Variants in XRN2 observed in about 807,000 individuals in gnomAD.
XRN2 encodes the protein 5'-3' exoribonuclease 2.
Under a neutral mutation model 138.5 loss-of-function variants are expected in XRN2, and 44 were observed. The observed-to-expected ratio is 0.32, with a 90% CI of 0.25 to 0.41. XRN2 has a LOEUF of 0.41. Ranked by LOEUF, XRN2 falls within the 10% of genes least tolerant of loss-of-function variation. The probability of loss-of-function intolerance (pLI) is 1.00; values close to 1 mark genes in which losing one functional copy is unlikely to be tolerated. For synonymous variants in XRN2, 354 were observed against 369.4 expected (o/e 0.96, Z 0.48); for missense variants, 937 against 1,169.3 (o/e 0.80, Z 2.90).
intron 13 of XRN2, among the ~76,000 whole-genome samples, chr20:21,337,175 C>A (rs1047072609): frequency 6.6e-6 from 1 of 152,208 alleles, no homozygotes; most frequent in Admixed American, 6.5e-5. Flanking sequence ...AAGGATCACT[C>A]TAGCTGCCAT....
At chr20:21,349,353 T>A (rs771359606) in intron 19 of XRN2, 36 bp from the exon 20 acceptor site, 20 of 1,356,214 alleles carry the variant, frequency 1.5e-5, no homozygotes, top group African/African-American at 4.3e-5. Context: ...GATGTGTGAC[T>A]TCTGTTTTGA....
Position 21,346,490 on chromosome 20 carries a change from T to A in XRN2, c.1605T>A (p.Arg535=). ...FDVDAADEKF[R]RKVVQSYVEG... ...TGGATGCAGCTGATGAGAAATTCCG[T>A]CGGAAAGTTGTGCAGTCGTACGTTG... The change falls in exon 17 of 30, where the codon CGT becomes CGA. Residue 535 remains arginine (R), a synonymous_variant. Coordinates refer to ENST00000377191, the MANE Select transcript of XRN2 (RefSeq NM_012255.5). 2 of 1,614,202 alleles carry A rather than the reference T, an allele frequency of 1.2e-6. No homozygotes were observed. Among genetic ancestry groups the A allele is most frequent in the Non-Finnish European group, 1.7e-6 (2 of 1,180,018 alleles).
At chr20:21,361,043 T>C (rs1250059847) in intron 24 of XRN2, among the ~76,000 whole-genome samples, 1 of 152,220 alleles carries the variant, frequency 6.6e-6, no homozygotes, top group African/African-American at 2.4e-5. Context: ...TCTGCTTTCT[T>C]TCTGAATTAT....
intron 1 of XRN2, among the ~76,000 whole-genome samples, chr20:21,312,641 GCT>G (rs1568565543): frequency 1.5e-5 from 2 of 132,462 alleles, no homozygotes; most frequent in Non-Finnish European, 3.1e-5. Flanking sequence ...ACAGAGTCTT[GCT>G]CTGTTGCCCA....
intron 9 of XRN2, among the ~76,000 whole-genome samples, chr20:21,333,122 A>G (rs1410796485): frequency 2.0e-5 from 3 of 152,226 alleles, no homozygotes; most frequent in Non-Finnish European, 4.4e-5. Flanking sequence ...AAGACAGTAT[A>G]CATGTATCTA....
chr20:21,343,582 A>G (rs1336372732), intron 15 of XRN2, among the ~76,000 whole-genome samples: 1 of 150,930 alleles, frequency 6.6e-6, no homozygotes, highest in African/African-American at 2.4e-5. Context: ...TCTCACCAGC[A>G]TTGACTATTT....
chr20:21,380,231 T>C (rs533763406), intron 27 of XRN2, among the ~76,000 whole-genome samples: 1 of 152,290 alleles, frequency 6.6e-6, no homozygotes, highest in Non-Finnish European at 1.5e-5. Context: ...ATTTTGTATA[T>C]ATAAGGGCAC....
intron 14 of XRN2, among the ~76,000 whole-genome samples, chr20:21,339,697 C>A (rs73296367): frequency 0.053 from 8,144 of 152,292 alleles, 272 homozygotes; most frequent in Middle Eastern, 0.095. Context: ...TTCTACAAGG[C>A]CTCCCTTCTT....
At chr20:21,327,205 C>T (rs550434743) in intron 3 of XRN2, among the ~76,000 whole-genome samples, 2 of 152,084 alleles carry the variant, frequency 1.3e-5, no homozygotes, top group South Asian at 2.1e-4. Flanking sequence ...AAAGCCTTAC[C>T]GTCTGGAGTT....
chr20:21,350,735 G>A (rs1421343575), intron 20 of XRN2, among the ~76,000 whole-genome samples: 1 of 151,736 alleles, frequency 6.6e-6, no homozygotes, highest in Non-Finnish European at 1.5e-5. Context: ...ATGACTTACG[G>A]AGAATCTTGA....
At chr20:21,348,620 A>G (rs1311308122) in intron 19 of XRN2, among the ~76,000 whole-genome samples, 190 bp downstream of exon 19, 1 of 151,788 alleles carries the variant, frequency 6.6e-6, no homozygotes, top group Non-Finnish European at 1.5e-5. Flanking sequence ...TTTTGGGGAG[A>G]AATTTTTTTG....
At chr20:21,360,007 G>C (rs1034245625) in intron 24 of XRN2, among the ~76,000 whole-genome samples, 1 of 152,206 alleles carries the variant, frequency 6.6e-6, no homozygotes, top group South Asian at 2.1e-4. Context: ...TGCTCAGAAA[G>C]TATGTTATAC....
chr20:21,322,959 A>G (rs927495199), intron 1 of XRN2, among the ~76,000 whole-genome samples: 3 of 152,032 alleles, frequency 2.0e-5, no homozygotes, highest in Non-Finnish European at 4.4e-5. Context: ...TGCCTTTCTA[A>G]CCTAAGCCTT....
chr20:21,381,924 T>C, intron 27 of XRN2, 70 bp from the exon 28 acceptor site: 8 of 1,281,934 alleles, frequency 6.2e-6, no homozygotes, highest in Non-Finnish European at 8.5e-6. Context: ...CTTTTAATTA[T>C]AAAATATTGG....
chr20:21,354,910 AAT>A lies in XRN2; in HGVS notation c.2020+42_2020+43del. 2.0e-6 allele frequency: 3 copies of A among 1,516,090 alleles called. No individual in the cohort carries two copies. The South Asian group carries it at 3.6e-5, about 18-fold the overall frequency. The allele number at this position is 1,516,090 out of a possible 1,614,324, so 93.9% of individuals were successfully genotyped here. ...CTTCTTAGTTAACATTGATCTGTGT[AAT>A]ATACACTTTATATTTCTGTATAAAA... is the stretch of plus-strand genomic sequence containing the variant. On this transcript the variant is annotated intron_variant, in intron 21 of 29. Transcript: ENST00000377191.
At chr20:21,304,703 G>A (rs1334501483) in intron 1 of XRN2, among the ~76,000 whole-genome samples, 2 of 152,102 alleles carry the variant, frequency 1.3e-5, no homozygotes. Context: ...TCTTAATGGA[G>A]TAAATCACTA....
intron 6 of XRN2, 32 bp from the exon 7 acceptor site, chr20:21,331,529 A>G (rs752659288): frequency 6.4e-7 from 1 of 1,564,736 alleles, no homozygotes; most frequent in Non-Finnish European, 8.8e-7. Flanking sequence ...AAAATTGGGG[A>G]TAATCTGAAA....
At chr20:21,315,935 G>A (rs2037953036) in intron 1 of XRN2, among the ~76,000 whole-genome samples, 1 of 152,202 alleles carries the variant, frequency 6.6e-6, no homozygotes, top group Non-Finnish European at 1.5e-5. Flanking sequence ...CCACTTTCTT[G>A]ATGGTGTCCT....
intron 1 of XRN2, chr20:21,303,821 A>G: frequency 9.4e-7 from 1 of 1,060,266 alleles, no homozygotes; most frequent in Non-Finnish European, 1.1e-6. Flanking sequence ...AGAGGTTCAG[A>G]GGCTGTTGTT....
Sources: allele counts gnomAD v4.1 joint callset (sites outside exome capture counted in the v4.1 genomes callset), GRCh38; gene constraint gnomAD v4.1.1; transcripts MANE v1.5; gene names NCBI Gene and HGNC (gene_info 2026-07-23, HGNC 2026-07-21).